LIPA: variants seen among roughly 807,000 people sequenced by gnomAD.
The protein encoded by LIPA is lipase A, lysosomal acid type, also known as lysosomal acid lipase/cholesteryl ester hydrolase.
A neutral mutation model predicts 40.6 loss-of-function variants in LIPA; 26 were observed. The observed-to-expected ratio is 0.64, with a 90% confidence interval of 0.47 to 0.89. The LOEUF is 0.89. Among genes scored for constraint, LIPA ranks in the 40% least tolerant of loss-of-function variants. The pLI, the probability that LIPA is intolerant of heterozygous loss-of-function variation, is 0.00. For synonymous variants in LIPA, 188 were observed against 168.4 expected, an observed-to-expected ratio of 1.12 and a Z score of -0.90; for missense variants, 455 against 479.6, an observed-to-expected ratio of 0.95 and a Z score of 0.48.
At position 89,291,013 on chromosome 10, in the gene LIPA, A is replaced by G. The variant is rs188357246; in HGVS notation, c.-1-43364T>C. 1.1e-3 allele frequency among the ~76,000 whole-genome samples: 162 copies of G among 152,304 alleles called. 1 individual carries two copies. Among genetic ancestry groups the G allele is most frequent in the African/African-American group, 3.8e-3 (157 of 41,576 alleles). On this transcript the variant is annotated intron_variant, in intron 1 of 5. Transcript: ENST00000282673. Reference sequence around the variant, plus strand: ...ATTGTGAGTGTTTTCTGATATTATTACAATTTTTCAATGACATGGGTATTG... The same window carrying G: ...ATTGTGAGTGTTTTCTGATATTATTGCAATTTTTCAATGACATGGGTATTG...
At chr10:89,255,967 A>G (rs1230384757), upstream of LIPA, among the ~76,000 whole-genome samples, 1 of 152,216 alleles carries the variant, frequency 6.6e-6, no homozygotes, top group Non-Finnish European at 1.5e-5. Context: ...TTATTGGATG[A>G]AGGAAGTGTC....
upstream of LIPA, among the ~76,000 whole-genome samples, chr10:89,255,300 G>A (rs1331590944): frequency 6.6e-6 from 1 of 152,212 alleles, no homozygotes; most frequent in African/African-American, 2.4e-5. Flanking sequence ...GTCTTACATG[G>A]CAGCAGACAT....
chr10:89,345,428 C>T, upstream of LIPA, among the ~76,000 whole-genome samples: 1 of 151,892 alleles, frequency 6.6e-6, no homozygotes, highest in Non-Finnish European at 1.5e-5. Flanking sequence ...ACTCAGGAGG[C>T]TGAGGCAGGA....
intron 2 of LIPA, among the ~76,000 whole-genome samples, chr10:89,369,112 C>T (rs1008095977): frequency 2.0e-5 from 3 of 152,090 alleles, no homozygotes; most frequent in Non-Finnish European, 4.4e-5. Flanking sequence ...CCACAGTCTA[C>T]GGCAAAGGAA....
intron 2 of LIPA, among the ~76,000 whole-genome samples, chr10:89,369,620 C>A (rs1484004569): frequency 1.3e-5 from 2 of 152,188 alleles, no homozygotes; most frequent in African/African-American, 4.8e-5. Flanking sequence ...AAAGAATATT[C>A]TATGGACAAC....
At chr10:89,275,663 T>C (rs1049671569) in intron 1 of LIPA, among the ~76,000 whole-genome samples, 3 of 152,228 alleles carry the variant, frequency 2.0e-5, no homozygotes, top group Non-Finnish European at 2.9e-5. Flanking sequence ...TCCTGACTAA[T>C]ACACAATCAG....
At chr10:89,357,622 T>C (rs959587537) in intron 2 of LIPA, among the ~76,000 whole-genome samples, 1 of 152,182 alleles carries the variant, frequency 6.6e-6, no homozygotes, top group Non-Finnish European at 1.5e-5. Flanking sequence ...ACAAGCGATG[T>C]TCATAGAATT....
chr10:89,321,264 C>T (rs9732020), intron 1 of LIPA, among the ~76,000 whole-genome samples: 380 of 152,170 alleles, frequency 2.5e-3, no homozygotes, highest in African/African-American at 8.9e-3. Flanking sequence ...AAGAAACTAC[C>T]ATCAGAGTGG....
In LIPA at chr10:89,306,346, C is replaced by T. The variant is rs1037443373; in HGVS notation, c.-2+36265G>A. 6.2e-6 allele frequency: 10 copies of T among 1,613,972 alleles called. No individual in the cohort carries two copies. In the African/African-American group the frequency reaches 1.1e-4, roughly 17 times the overall value. ...ATGTCTGTGAGAAGTTTTCCAGTCC[C>T]TATAGAATTGAGAGTCCAGAGCTTG... On this transcript the variant is annotated intron_variant, in intron 1 of 5. Transcript: ENST00000282673.
intron 2 of LIPA, among the ~76,000 whole-genome samples, chr10:89,379,100 C>G (rs370134766): frequency 5.9e-5 from 9 of 152,224 alleles, no homozygotes; most frequent in East Asian, 3.8e-4. Context: ...GAAAAAGAAG[C>G]TACTTTCAGA....
chr10:89,223,522 A>G (rs1175401638), intron 7 of LIPA, among the ~76,000 whole-genome samples, 162 bp downstream of exon 7: 1 of 152,196 alleles, frequency 6.6e-6, no homozygotes, highest in Non-Finnish European at 1.5e-5. Flanking sequence ...AGCAGGTGGT[A>G]CCGTATTCTA....
chr10:89,245,648 G>C, intron 3 of LIPA, 28 bp downstream of exon 3: 1 of 1,175,710 alleles, frequency 8.5e-7, no homozygotes, highest in South Asian at 1.2e-5. Flanking sequence ...AAGAATTCTG[G>C]TTTTTACTTT....
intron 2 of LIPA, chr10:89,384,379 C>G (rs1476453669): frequency 1.9e-6 from 3 of 1,613,998 alleles, no homozygotes; most frequent in Non-Finnish European, 2.5e-6. Flanking sequence ...AATAGGCCAC[C>G]ACAGAAAGGC....
At chr10:89,354,969 AT>A (rs1235639995) in intron 2 of LIPA, among the ~76,000 whole-genome samples, 1 of 152,148 alleles carries the variant, frequency 6.6e-6, no homozygotes, top group Non-Finnish European at 1.5e-5. Context: ...TGCATGCTGA[AT>A]TGCTTCTGGA....
intron 1 of LIPA, chr10:89,306,728 C>T (rs750923936): frequency 6.8e-6 from 11 of 1,613,862 alleles, no homozygotes; most frequent in African/African-American, 1.3e-5. Context: ...CAAGTTTTAT[C>T]GAAGAAAAGA....
intron 1 of LIPA, among the ~76,000 whole-genome samples, chr10:89,251,241 G>A (rs964132564): frequency 1.3e-5 from 2 of 152,234 alleles, no homozygotes; most frequent in Admixed American, 6.5e-5. Context: ...CCCAGCTGAA[G>A]TACTGGAAGC....
At chr10:89,370,488 C>G (rs1328347493) in intron 2 of LIPA, among the ~76,000 whole-genome samples, 1 of 151,988 alleles carries the variant, frequency 6.6e-6, no homozygotes, top group Admixed American at 6.5e-5. Context: ...TCCCAATTGG[C>G]CTTGGAAAGT....
At chr10:89,305,992 C>T in intron 1 of LIPA, 2 of 1,613,548 alleles carry the variant, frequency 1.2e-6, no homozygotes, top group African/African-American at 2.7e-5. Flanking sequence ...TGGAGAGCAG[C>T]CTACGGCAAC....
intron 3 of LIPA, among the ~76,000 whole-genome samples, chr10:89,230,747 A>G (rs765430371): frequency 5.9e-5 from 9 of 152,248 alleles, no homozygotes; most frequent in Admixed American, 1.3e-4. Flanking sequence ...ATTTTATAGG[A>G]CACAGTGAGA....
Sources: allele counts gnomAD v4.1 joint callset (sites outside exome capture counted in the v4.1 genomes callset), GRCh38; gene constraint gnomAD v4.1.1; transcripts MANE v1.5; gene names NCBI Gene and HGNC (gene_info 2026-07-23, HGNC 2026-07-21).